The following ZCWPW2 variants were observed in gnomAD, a reference collection of about 807,000 sequenced individuals.
ZCWPW2 encodes the protein zinc finger CW-type PWWP domain protein 2.
In ZCWPW2, 45 loss-of-function variants were observed where a neutral mutation model predicts 46.6. That is an observed-to-expected ratio of 0.96 (90% CI 0.76 to 1.24). The LOEUF is 1.24. Ranked by LOEUF, ZCWPW2 falls within the 50% of genes most tolerant of loss-of-function variation. The pLI is 0.00. For synonymous variants in ZCWPW2, 152 were observed against 137.1 expected, an observed-to-expected ratio of 1.11 and a Z score of -0.76; for missense variants, 429 against 403.9, an observed-to-expected ratio of 1.06 and a Z score of -0.53.
intron 1 of ZCWPW2, among the ~76,000 whole-genome samples, chr3:28,355,281 C>G (rs943815794): frequency 2.0e-5 from 3 of 152,170 alleles, no homozygotes; most frequent in Non-Finnish European, 2.9e-5. Context: ...ACCTAGGAAT[C>G]CAACTTACAA....
At chr3:28,427,681 G>T (rs992486340) in intron 3 of ZCWPW2, among the ~76,000 whole-genome samples, 5 of 152,040 alleles carry the variant, frequency 3.3e-5, no homozygotes, top group Admixed American at 1.3e-4. Flanking sequence ...GAATACTCTT[G>T]GGCCCAATAG....
chr3:28,413,132 G>A lies in ZCWPW2; in HGVS notation c.64G>A (p.Glu22Lys). The A allele has an allele frequency of 1.2e-6, 2 of 1,613,040 alleles. No individual in the cohort carries two copies. The highest frequency in any genetic ancestry group is 2.2e-5 in the East Asian group (1 of 44,826). The change falls in exon 3 of 10, where the codon GAA becomes AAA. Residue 22 changes from glutamate (E) to lysine (K), a missense_variant. Coordinates refer to ENST00000383768, the MANE Select transcript of ZCWPW2 (RefSeq NM_001040432.4). ...TAACTATGCAATGGATTCCTCAGTG[G>A]AAAACATGTATGTAAACAAAGTGTG... The part of the protein sequence containing the change: ...YCNYAMDSSV[E>K]NMYVNKVWVQ...
At chr3:28,516,255 C>A (rs963022132) in intron 8 of ZCWPW2, among the ~76,000 whole-genome samples, 18 of 140,126 alleles carry the variant, frequency 1.3e-4, no homozygotes, top group African/African-American at 4.8e-4. Context: ...GATTCCCTCT[C>A]AATAAATAAA....
chr3:28,503,247 T>C (rs1700196257), intron 6 of ZCWPW2, among the ~76,000 whole-genome samples: 1 of 152,194 alleles, frequency 6.6e-6, no homozygotes, highest in Non-Finnish European at 1.5e-5. Flanking sequence ...AAAATCTTCC[T>C]CAAGTACCAG....
At chr3:28,374,949 GTCTC>G (rs202070081) in intron 1 of ZCWPW2, among the ~76,000 whole-genome samples, 3 of 150,242 alleles carry the variant, frequency 2.0e-5, no homozygotes, top group Admixed American at 2.0e-4. Context: ...TTATATTACG[GTCTC>G]TCTCTCTCTC....
rs137943822 is a variant in ZCWPW2 at position 28,447,865 on chromosome 3, G to A, written c.492+12596G>A. 4.0e-4 allele frequency: 417 copies of A among 1,035,250 alleles called. No individual in the cohort carries two copies. In the African/African-American group the frequency reaches 5.9e-3, roughly 15 times the overall value. The allele number at this position is 1,035,250 out of a possible 1,614,324, so 64.1% of individuals were successfully genotyped here. ...GGAAAGCACCAAATCTGCATGTGGT[G>A]TGTGCCCAGGCAGACTTAGAGGGGT... is the stretch of plus-strand genomic sequence containing the variant. On this transcript the variant is annotated intron_variant, in intron 4 of 9. Coordinates refer to ENST00000383768, the MANE Select transcript of ZCWPW2 (RefSeq NM_001040432.4).
intron 5 of ZCWPW2, among the ~76,000 whole-genome samples, chr3:28,486,087 T>C (rs1012947374): frequency 6.6e-6 from 1 of 152,182 alleles, no homozygotes; most frequent in Admixed American, 6.6e-5. Context: ...CAATTATCAG[T>C]TATACTTTTT....
chr3:28,361,274 G>A (rs997950500), intron 1 of ZCWPW2, among the ~76,000 whole-genome samples: 2 of 152,176 alleles, frequency 1.3e-5, no homozygotes, highest in Non-Finnish European at 2.9e-5. Context: ...TACATAATAG[G>A]TAAAGGATAG....
chr3:28,516,817 G>C (rs140264291), intron 8 of ZCWPW2, among the ~76,000 whole-genome samples: 1 of 150,712 alleles, frequency 6.6e-6, no homozygotes, highest in African/African-American at 2.4e-5. Context: ...GACCAGCCTG[G>C]GCAACACAGT....
chr3:28,364,910 A>C (rs13077092), intron 1 of ZCWPW2, among the ~76,000 whole-genome samples: 33,786 of 152,058 alleles, frequency 0.22, 4,288 homozygotes, highest in Middle Eastern at 0.29. Flanking sequence ...CATTTCTCTG[A>C]TGGCCAGTGA....
At chr3:28,433,928 T>TTC (rs1372620569) in intron 3 of ZCWPW2, among the ~76,000 whole-genome samples, 1 of 151,228 alleles carries the variant, frequency 6.6e-6, no homozygotes, top group Non-Finnish European at 1.5e-5. Context: ...TTTTTTTTTT[T>TTC]TTTGACCACT....
At chr3:28,521,237 C>A (rs1407898379) in intron 9 of ZCWPW2, 121 bp downstream of exon 9, 1 of 1,065,186 alleles carries the variant, frequency 9.4e-7, no homozygotes, top group Admixed American at 3.6e-5. Context: ...AAATTTGAGT[C>A]CTTGATTATC....
At chr3:28,523,026 A>G (rs1056411180) in intron 9 of ZCWPW2, among the ~76,000 whole-genome samples, 4 of 152,202 alleles carry the variant, frequency 2.6e-5, no homozygotes, top group Non-Finnish European at 5.9e-5. Context: ...TTTTGCCATT[A>G]TAAGTAGTAA....
chr3:28,417,565 AAG>A (rs1259201203), intron 3 of ZCWPW2, among the ~76,000 whole-genome samples: 5 of 151,218 alleles, frequency 3.3e-5, no homozygotes, highest in Admixed American at 6.6e-5. Context: ...ACAACAAAAA[AAG>A]AGAATTTTAG....
At chr3:28,502,578 T>C (rs1408233100) in intron 6 of ZCWPW2, among the ~76,000 whole-genome samples, 1 of 152,104 alleles carries the variant, frequency 6.6e-6, no homozygotes, top group Non-Finnish European at 1.5e-5. Context: ...TGAAAACTCA[T>C]TTGTTTTTCT....
chr3:28,435,268 A>G lies in ZCWPW2; in HGVS notation c.491A>G (p.Lys164Arg), dbSNP rs755017309. ...TFVGHYSITLKPEKCKNKKKW... is the reference protein window; with the variant it reads ...TFVGHYSITLRPEKCKNKKKW... ...GTTGGACATTATAGTATCACATTAA[A>G]GGTAGGTATCATAACATCAAAACTT... The change falls in exon 4 of 10, where the codon AAG (lysine) becomes AGG (arginine). Residue 164 changes from lysine to arginine, a missense_variant and splice_region_variant. Physicochemically the swap from Lys to Arg is conservative, Grantham distance 26. Transcript: ENST00000383768. The G allele has an allele frequency of 2.1e-5, 33 of 1,598,408 alleles. No individual in the cohort carries two copies. The African/African-American group carries it at 4.2e-4, about 20-fold the overall frequency.
chr3:28,433,242 T>C (rs2125761194), intron 3 of ZCWPW2, among the ~76,000 whole-genome samples: 1 of 152,324 alleles, frequency 6.6e-6, no homozygotes, highest in East Asian at 1.9e-4. Context: ...TTTGGGCTAA[T>C]TATTCTTAAG....
chr3:28,394,217 G>C (rs1390581773), intron 2 of ZCWPW2, among the ~76,000 whole-genome samples: 1 of 152,000 alleles, frequency 6.6e-6, no homozygotes, highest in Non-Finnish European at 1.5e-5. Context: ...ACTTAACCAT[G>C]GAGATGAGAG....
chr3:28,422,878 G>A (rs1451857304), intron 3 of ZCWPW2, among the ~76,000 whole-genome samples: 1 of 152,076 alleles, frequency 6.6e-6, no homozygotes, highest in South Asian at 2.1e-4. Context: ...AGCATTTGGT[G>A]TTACCTGAAT....
Sources: gnomAD v4.1 joint callset for allele counts (sites outside exome capture counted in the v4.1 genomes callset) on GRCh38, gnomAD v4.1.1 for gene constraint, MANE v1.5 for transcripts, NCBI Gene and HGNC (gene_info 2026-07-23, HGNC 2026-07-21) for gene names.